The following GRID2 variants were observed in gnomAD, a reference collection of about 807,000 sequenced individuals.
GRID2 encodes glutamate receptor ionotropic, delta-2.
Under a neutral mutation model 114.8 loss-of-function variants are expected in GRID2, and 33 were observed. That is an observed-to-expected ratio of 0.29 (90% CI 0.22 to 0.38). The LOEUF (loss-of-function observed/expected upper bound fraction) is 0.38. GRID2 is among the 10% of genes least tolerant of loss of function. The pLI, the probability that GRID2 is intolerant of heterozygous loss-of-function variation, is 1.00. For missense variants in GRID2, 1,184 were observed against 1,257.7 expected, an observed-to-expected ratio of 0.94 and a Z score of 0.89; for synonymous variants, 505 against 449.9, an observed-to-expected ratio of 1.12 and a Z score of -1.55.
At chr4:92,955,624 G>T (rs1752348181) in intron 2 of GRID2, among the ~76,000 whole-genome samples, 1 of 152,036 alleles carries the variant, frequency 6.6e-6, no homozygotes, top group Non-Finnish European at 1.5e-5. Context: ...AGTTTAATTA[G>T]ACCCCATTTG....
chr4:92,697,667 G>C (rs1231049834), intron 2 of GRID2, among the ~76,000 whole-genome samples: 1 of 151,892 alleles, frequency 6.6e-6, no homozygotes, highest in Admixed American at 6.6e-5. Context: ...AATAGCCATA[G>C]GTAAGGATAG....
intron 2 of GRID2, among the ~76,000 whole-genome samples, chr4:92,767,654 G>A (rs535235528): frequency 2.6e-5 from 4 of 152,212 alleles, no homozygotes; most frequent in East Asian, 3.9e-4. Context: ...CGGAGACTGA[G>A]GCAGGAGAAT....
At chr4:92,355,261 CT>C (rs1728263612) in intron 1 of GRID2, among the ~76,000 whole-genome samples, 1 of 151,736 alleles carries the variant, frequency 6.6e-6, no homozygotes, top group Admixed American at 6.6e-5. Flanking sequence ...GTAGATTTTT[CT>C]CTTCTTTGAA....
At chr4:93,663,780 G>A (rs1723708808) in intron 14 of GRID2, among the ~76,000 whole-genome samples, 1 of 152,114 alleles carries the variant, frequency 6.6e-6, no homozygotes, top group Non-Finnish European at 1.5e-5. Context: ...AACTTTGAGT[G>A]TATTAGTGAA....
At chr4:92,308,789 C>T (rs926998692) in intron 1 of GRID2, among the ~76,000 whole-genome samples, 5 of 151,690 alleles carry the variant, frequency 3.3e-5, no homozygotes, top group Admixed American at 6.6e-5. Flanking sequence ...ATGATAACCC[C>T]CAGGACTCCT....
chr4:92,327,386 G>C (rs1274700297), intron 1 of GRID2, among the ~76,000 whole-genome samples: 1 of 151,474 alleles, frequency 6.6e-6, no homozygotes, highest in Non-Finnish European at 1.5e-5. Context: ...GTGTGTGTGT[G>C]CCTTCTCAAT....
chr4:93,555,706 G>C (rs968764476), intron 13 of GRID2, among the ~76,000 whole-genome samples: 2 of 152,198 alleles, frequency 1.3e-5, no homozygotes, highest in Non-Finnish European at 2.9e-5. Flanking sequence ...GTTCCTGCCT[G>C]CTGGCTCTGA....
intron 2 of GRID2, among the ~76,000 whole-genome samples, chr4:92,624,041 T>G (rs1579707701): frequency 6.6e-6 from 1 of 151,944 alleles, no homozygotes; most frequent in East Asian, 1.9e-4. Context: ...CTGTAGATAA[T>G]TATTCTTTTC....
chr4:93,681,062 G>C (rs1428455728), intron 14 of GRID2, among the ~76,000 whole-genome samples: 1 of 151,444 alleles, frequency 6.6e-6, no homozygotes, highest in Non-Finnish European at 1.5e-5. Flanking sequence ...TCCTTAAGCT[G>C]ATAAGCAACT....
chr4:93,293,571 T>C (rs929530101), intron 8 of GRID2, among the ~76,000 whole-genome samples: 2 of 151,404 alleles, frequency 1.3e-5, no homozygotes, highest in Non-Finnish European at 2.9e-5. Flanking sequence ...AGAGATCTAA[T>C]AGGTAGTCAT....
rs193285326 is a variant in GRID2 at position 93,632,727 on chromosome 4, C to A, written c.2360+6292C>A. Among the ~76,000 whole-genome samples, 85 of 152,046 alleles carry A rather than the reference C, an allele frequency of 5.6e-4. No individual in the cohort carries two copies. In the East Asian group the frequency reaches 0.012, roughly 22 times the overall value. On this transcript the variant is annotated intron_variant, in intron 14 of 15. Transcript: ENST00000282020. ...TCTTTTTTGGTTCCATATGAACTTT[C>A]AAGTCGTTTTTTCCAATTCTGTGAA...
At chr4:92,845,044 C>G (rs1743205020) in intron 2 of GRID2, among the ~76,000 whole-genome samples, 1 of 152,054 alleles carries the variant, frequency 6.6e-6, no homozygotes, top group Non-Finnish European at 1.5e-5. Context: ...GATCATTGCT[C>G]TAATGACATC....
At chr4:92,654,094 T>G (rs1732109830) in intron 2 of GRID2, among the ~76,000 whole-genome samples, 3 of 152,076 alleles carry the variant, frequency 2.0e-5, no homozygotes. Flanking sequence ...GTTTTAGTGA[T>G]CTTGGGTGGC....
chr4:92,639,328 G>T (rs1731232311), intron 2 of GRID2, among the ~76,000 whole-genome samples: 1 of 151,340 alleles, frequency 6.6e-6, no homozygotes, highest in African/African-American at 2.4e-5. Flanking sequence ...GATACATTAG[G>T]TCTCATATAT....
intron 4 of GRID2, among the ~76,000 whole-genome samples, chr4:93,150,338 G>A (rs1411823542): frequency 6.6e-6 from 1 of 152,012 alleles, no homozygotes; most frequent in East Asian, 1.9e-4. Flanking sequence ...ATATTAATAG[G>A]ATTACAAACA....
chr4:93,410,775 G>A (rs928609181), intron 9 of GRID2, among the ~76,000 whole-genome samples: 1 of 152,192 alleles, frequency 6.6e-6, no homozygotes, highest in Admixed American at 6.5e-5. Context: ...TAGAGACAGG[G>A]TTTTGCCATG....
Position 93,345,184 on chromosome 4 carries a change from G to A in GRID2, c.1246-50423G>A, listed in dbSNP as rs182402302. Among the ~76,000 whole-genome samples, 229 of 152,148 alleles carry A rather than the reference G, an allele frequency of 1.5e-3. 1 individual carries two copies. The highest frequency in any genetic ancestry group is 6.8e-3 in the Middle Eastern group (2 of 294). ...TGTATATATACTCAGAAGTAGGATT[G>A]CTGGATCACATGGTAGTCCAATTTT... On this transcript the variant is annotated intron_variant, in intron 8 of 15. Coordinates refer to ENST00000282020, the MANE Select transcript of GRID2 (RefSeq NM_001510.4).
chr4:92,638,799 T>C (rs1018864587), intron 2 of GRID2, among the ~76,000 whole-genome samples: 2 of 151,044 alleles, frequency 1.3e-5, no homozygotes, highest in Non-Finnish European at 3.0e-5. Context: ...TTTTAATATT[T>C]GTCTTTGAAA....
chr4:93,698,962 C>A (rs1229129796), intron 14 of GRID2, among the ~76,000 whole-genome samples: 1 of 151,976 alleles, frequency 6.6e-6, no homozygotes, highest in African/African-American at 2.4e-5. Flanking sequence ...AAATTGGTGA[C>A]CATGACAGTT....
Sources: allele counts gnomAD v4.1 joint callset (sites outside exome capture counted in the v4.1 genomes callset), GRCh38; gene constraint gnomAD v4.1.1; transcripts MANE v1.5; gene names NCBI Gene and HGNC (gene_info 2026-07-23, HGNC 2026-07-21).